Variants in CTNNA3 observed in about 807,000 individuals in gnomAD.
CTNNA3 encodes the protein catenin alpha-3.
CTNNA3 carries 76 observed loss-of-function variants against 95.7 expected under a neutral mutation model. That is an observed-to-expected ratio of 0.79 (90% CI 0.66 to 0.96). The LOEUF is 0.96. Among genes scored for constraint, CTNNA3 ranks in the 40% least tolerant of loss-of-function variants. The pLI is 0.00. For missense variants in CTNNA3, 1,191 were observed against 1,089.8 expected, an observed-to-expected ratio of 1.09 and a Z score of -1.31; for synonymous variants, 431 against 374.4, an observed-to-expected ratio of 1.15 and a Z score of -1.74.
intron 5 of CTNNA3, among the ~76,000 whole-genome samples, chr10:67,508,381 G>T (rs910182826): frequency 2.6e-5 from 4 of 152,130 alleles, no homozygotes; most frequent in Non-Finnish European, 4.4e-5. Flanking sequence ...GCTCAATAGT[G>T]AAAAGTTGCC....
intron 5 of CTNNA3, among the ~76,000 whole-genome samples, chr10:67,310,312 C>T (rs1450361699): frequency 6.6e-6 from 1 of 152,088 alleles, no homozygotes; most frequent in African/African-American, 2.4e-5. Context: ...ATTACTACCC[C>T]TAAGTAATTC....
chr10:66,736,485 A>G (rs4746637), intron 9 of CTNNA3, among the ~76,000 whole-genome samples: 92,802 of 151,376 alleles, frequency 0.61, 28,939 homozygotes, highest in East Asian at 0.94. Context: ...GATCTGCCGC[A>G]CCCAGGCAAC....
At chr10:65,972,984 C>T (rs942304945) in intron 16 of CTNNA3, among the ~76,000 whole-genome samples, 6 of 149,536 alleles carry the variant, frequency 4.0e-5, no homozygotes, top group Admixed American at 4.0e-4. Flanking sequence ...GTAACACACA[C>T]AGCATGATAC....
intron 1 of CTNNA3, among the ~76,000 whole-genome samples, chr10:67,685,954 C>T (rs1564828486): frequency 6.6e-6 from 1 of 152,172 alleles, no homozygotes. Flanking sequence ...CTTCCTCTCT[C>T]TCTTTCCTTC....
At chr10:67,545,600 T>C (rs1840823580) in intron 3 of CTNNA3, among the ~76,000 whole-genome samples, 1 of 152,100 alleles carries the variant, frequency 6.6e-6, no homozygotes, top group Non-Finnish European at 1.5e-5. Flanking sequence ...ATGGTAAAAG[T>C]TGGAGCAGGG....
intron 15 of CTNNA3, among the ~76,000 whole-genome samples, chr10:66,010,841 T>C (rs1211971865): frequency 6.6e-6 from 1 of 152,194 alleles, no homozygotes; most frequent in Non-Finnish European, 1.5e-5. Context: ...GTCATATGCA[T>C]TGCAAGGCCA....
chr10:67,018,325 A>T (rs1852787679), intron 7 of CTNNA3, among the ~76,000 whole-genome samples: 1 of 152,146 alleles, frequency 6.6e-6, no homozygotes. Flanking sequence ...TTCTGATTTG[A>T]TTCCTGATTC....
chr10:66,965,330 A>G (rs1255818160), intron 7 of CTNNA3, among the ~76,000 whole-genome samples: 3 of 151,952 alleles, frequency 2.0e-5, no homozygotes, highest in African/African-American at 7.3e-5. Context: ...AGGTCAAGAG[A>G]TCCAGACGAT....
chr10:66,464,939 C>A (rs991459842), intron 11 of CTNNA3, among the ~76,000 whole-genome samples: 2 of 151,784 alleles, frequency 1.3e-5, no homozygotes, highest in African/African-American at 4.8e-5. Flanking sequence ...AGCTAGATTA[C>A]AAATATGAAC....
chr10:67,584,086 T>A (rs542111960), intron 3 of CTNNA3, among the ~76,000 whole-genome samples: 1 of 152,288 alleles, frequency 6.6e-6, no homozygotes, highest in East Asian at 1.9e-4. Context: ...TCATTCTCCA[T>A]CCAGCTTTGT....
At chr10:67,650,995 C>T (rs1022974242) in intron 1 of CTNNA3, among the ~76,000 whole-genome samples, 1 of 151,992 alleles carries the variant, frequency 6.6e-6, no homozygotes, top group Non-Finnish European at 1.5e-5. Flanking sequence ...ACCACCCACT[C>T]TAGAGCTCAG....
chr10:67,385,615 G>A (rs919254699), intron 5 of CTNNA3, among the ~76,000 whole-genome samples: 1 of 152,138 alleles, frequency 6.6e-6, no homozygotes. Flanking sequence ...AAAGGAAGAA[G>A]GAATCATATA....
At position 67,045,786 on chromosome 10, in the gene CTNNA3, T is replaced by C. The variant is rs576954075; in HGVS notation, c.1047+134531A>G. Reference sequence around the variant, plus strand: ...GAAACCGAACTGGAGAAAGTTTCAATGAATTACTCTATACCACATTGCTAG... The same window carrying C: ...GAAACCGAACTGGAGAAAGTTTCAACGAATTACTCTATACCACATTGCTAG... On this transcript the variant is annotated intron_variant, in intron 7 of 17. Coordinates refer to ENST00000433211, the MANE Select transcript of CTNNA3 (RefSeq NM_013266.4). Among the ~76,000 whole-genome samples the C allele has an allele frequency of 3.3e-3, 499 of 152,252 alleles. 3 individuals carry two copies. Among genetic ancestry groups the C allele is most frequent in the Middle Eastern group, 6.8e-3 (2 of 294 alleles).
intron 9 of CTNNA3, among the ~76,000 whole-genome samples, chr10:66,667,284 G>T (rs996206988): frequency 9.4e-5 from 14 of 148,300 alleles, no homozygotes; most frequent in African/African-American, 3.5e-4. Context: ...ATTCCCGCCT[G>T]TCCAGATATT....
At chr10:66,374,148 C>T (rs10997098) in intron 12 of CTNNA3, among the ~76,000 whole-genome samples, 15,520 of 151,560 alleles carry the variant, frequency 0.1, 1,029 homozygotes, top group East Asian at 0.26. Flanking sequence ...TAGATGCTAC[C>T]GGGGAAAATA....
chr10:66,178,401 A>G (rs1413179937), intron 13 of CTNNA3, among the ~76,000 whole-genome samples: 4 of 11,752 alleles, frequency 3.4e-4, no homozygotes, highest in Non-Finnish European at 5.6e-4. Context: ...TTGAAAGTGT[A>G]TATATATATA....
intron 7 of CTNNA3, among the ~76,000 whole-genome samples, chr10:67,022,915 GCAAGA>G (rs1853121543): frequency 6.6e-6 from 1 of 152,098 alleles, no homozygotes; most frequent in African/African-American, 2.4e-5. Flanking sequence ...TCCAGCCTGG[GCAAGA>G]GAGTAAGACT....
chr10:66,138,515 A>G (rs1457931242), intron 13 of CTNNA3, among the ~76,000 whole-genome samples: 3 of 152,164 alleles, frequency 2.0e-5, no homozygotes, highest in Admixed American at 1.3e-4. Context: ...TGCTCATTTG[A>G]TGATAAAAAT....
rs181685239 is a variant in CTNNA3 at position 65,990,785 on chromosome 10, C to T, written c.2160-1988G>A. ...TTTTAGTTTAATATAGTCCCATTTG[C>T]CTATTTTTATCTTGCCTGTGCTTTT... On this transcript the variant is annotated intron_variant, in intron 15 of 17. Coordinates refer to ENST00000433211, the MANE Select transcript of CTNNA3 (RefSeq NM_013266.4). Among the ~76,000 whole-genome samples the T allele has an allele frequency of 1.1e-4, 16 of 151,692 alleles. No homozygotes were observed. In the East Asian group the frequency reaches 1.9e-3, roughly 18 times the overall value.
Sources: allele counts gnomAD v4.1 joint callset (sites outside exome capture counted in the v4.1 genomes callset), GRCh38; gene constraint gnomAD v4.1.1; transcripts MANE v1.5; gene names NCBI Gene and HGNC (gene_info 2026-07-23, HGNC 2026-07-21).